SHISAL2B: variants seen among roughly 807,000 people sequenced by gnomAD.
The protein encoded by SHISAL2B is shisa like 2B.
In SHISAL2B, 12 loss-of-function variants were observed where a neutral mutation model predicts 16.5. That is an observed-to-expected ratio of 0.73 (90% CI 0.47 to 1.18). The LOEUF (loss-of-function observed/expected upper bound fraction) is 1.18, where lower values mean the gene tolerates loss of function less well. Ranked by LOEUF, SHISAL2B falls within the 50% of genes most tolerant of loss-of-function variation. The pLI, the probability that SHISAL2B is intolerant of heterozygous loss-of-function variation, is 0.00. For synonymous variants in SHISAL2B, 72 were observed against 75.0 expected (o/e 0.96, Z 0.21); for missense variants, 183 against 193.6 (o/e 0.95, Z 0.33).
intron 1 of SHISAL2B, among the ~76,000 whole-genome samples, chr5:64,693,277 G>A (rs573440575): frequency 6.6e-6 from 1 of 152,248 alleles, no homozygotes; most frequent in Admixed American, 6.5e-5. Flanking sequence ...AAAGTGCTAG[G>A]ATTACAGGCG....
Position 64,690,824 on chromosome 5 carries a change from G to C in SHISAL2B, c.191+10G>C, listed in dbSNP as rs1295181603. The C allele has an allele frequency of 4.7e-6, 7 of 1,493,022 alleles. No homozygotes were observed. The highest frequency in any genetic ancestry group is 2.8e-5 in the African/African-American group (2 of 70,900). The allele number at this position is 1,493,022 out of a possible 1,614,324, so 92.5% of individuals were successfully genotyped here. On this transcript the variant is annotated intron_variant, in intron 1 of 2. Transcript: ENST00000389074. ...ACATGTGGAGCCTCAGGTGGGCTGA[G>C]AGCCCGCGCGTGCGGCGGCTGGCCG...
chr5:64,712,917 T>C (rs1222269570), intron 2 of SHISAL2B, among the ~76,000 whole-genome samples: 1 of 151,754 alleles, frequency 6.6e-6, no homozygotes, highest in Non-Finnish European at 1.5e-5. Context: ...TCCTTTTATT[T>C]TGAGCCTATG....
At chr5:64,710,915 T>G (rs966309785) in intron 2 of SHISAL2B, among the ~76,000 whole-genome samples, 1 of 124,290 alleles carries the variant, frequency 8.0e-6, no homozygotes, top group Admixed American at 8.1e-5. Flanking sequence ...TGAAGTTGCT[T>G]ATCAGCTTAA....
intron 2 of SHISAL2B, among the ~76,000 whole-genome samples, chr5:64,708,704 T>C (rs945144029): frequency 2.0e-5 from 3 of 152,204 alleles, no homozygotes; most frequent in African/African-American, 7.2e-5. Context: ...AAATTTTTCA[T>C]GCCATCTTTC....
At chr5:64,700,280 A>G (rs1408058177) in intron 2 of SHISAL2B, among the ~76,000 whole-genome samples, 1 of 152,162 alleles carries the variant, frequency 6.6e-6, no homozygotes, top group Non-Finnish European at 1.5e-5. Flanking sequence ...AAATGTATAC[A>G]GTTGTCCCTC....
chr5:64,704,550 A>G (rs1741850290), intron 2 of SHISAL2B, among the ~76,000 whole-genome samples: 2 of 152,228 alleles, frequency 1.3e-5, no homozygotes, highest in Admixed American at 6.5e-5. Context: ...GCAGCTGACA[A>G]TTAACCTAGG....
At chr5:64,694,650 C>G (rs903529780) in intron 1 of SHISAL2B, among the ~76,000 whole-genome samples, 3 of 152,102 alleles carry the variant, frequency 2.0e-5, no homozygotes, top group African/African-American at 4.8e-5. Flanking sequence ...GACATTATGC[C>G]CTTTTAGAAA....
In SHISAL2B at chr5:64,695,647, C is replaced by A. The variant is rs1033350596; in HGVS notation, c.332C>A (p.Ala111Asp). The A allele has an allele frequency of 1.1e-5, 17 of 1,529,008 alleles. No homozygotes were observed. The African/African-American group carries it at 1.8e-4, about 16-fold the overall frequency. The allele number at this position is 1,529,008 out of a possible 1,614,324, so 94.7% of individuals were successfully genotyped here. ...GGCCTTAAGCTTCAACACTTAGAGG[C>A]TTCTTCCACTCAAGAAGGTAATCAG... ...DTGLKLQHLE[A>D]SSTQEGKSNG... The change falls in exon 2 of 3, where the codon GCT becomes GAT. Residue 111 changes from alanine (A) to aspartate (D), a missense_variant. By Grantham distance (126) the Ala-to-Asp change is moderately radical (BLOSUM62 -2). Coordinates refer to ENST00000389074, the MANE Select transcript of SHISAL2B (RefSeq NM_001164442.2).
At chr5:64,693,154 C>T (rs1741678112) in intron 1 of SHISAL2B, among the ~76,000 whole-genome samples, 1 of 151,974 alleles carries the variant, frequency 6.6e-6, no homozygotes, top group African/African-American at 2.4e-5. Context: ...ACTACAGGCG[C>T]CTGCCACCAT....
intron 2 of SHISAL2B, among the ~76,000 whole-genome samples, chr5:64,706,685 A>AG (rs1741880525): frequency 1.3e-5 from 2 of 152,194 alleles, no homozygotes; most frequent in Admixed American, 1.3e-4. Flanking sequence ...AAGAGAAAAT[A>AG]GGGGGAGGAA....
intron 1 of SHISAL2B, chr5:64,694,095 T>G (rs772937671): frequency 6.6e-6 from 3 of 455,712 alleles, no homozygotes; most frequent in Non-Finnish European, 1.3e-5. Context: ...AGGTCAAACT[T>G]GTCAGTGTCC....
At chr5:64,695,417 C>A in intron 1 of SHISAL2B, 90 bp from the exon 2 acceptor site, 1 of 857,456 alleles carries the variant, frequency 1.2e-6, no homozygotes, top group Non-Finnish European at 1.6e-6. Context: ...TAACTGAAAA[C>A]AAGAATTAAC....
intron 2 of SHISAL2B, among the ~76,000 whole-genome samples, chr5:64,709,890 T>G (rs1289356567): frequency 3.3e-5 from 5 of 151,928 alleles, no homozygotes; most frequent in African/African-American, 1.2e-4. Context: ...GGGGTTGTTT[T>G]TTTTCTTGTA....
At chr5:64,695,234 T>C (rs538517448) in intron 1 of SHISAL2B, among the ~76,000 whole-genome samples, 1 of 147,230 alleles carries the variant, frequency 6.8e-6, no homozygotes, top group East Asian at 2.0e-4. Flanking sequence ...CATTGCACTC[T>C]ACCATGGGCT....
intron 2 of SHISAL2B, among the ~76,000 whole-genome samples, chr5:64,705,074 A>G (rs1276363431): frequency 6.6e-6 from 1 of 152,218 alleles, no homozygotes; most frequent in Non-Finnish European, 1.5e-5. Flanking sequence ...ATCAAAAAAA[A>G]TCTTTGTACT....
rs753416275 is a variant in SHISAL2B at position 64,690,695 on chromosome 5, C to T, written c.72C>T (p.Cys24=). ...LNQSFVEPFQ[C]PRRGEGAALQ... is the part of the protein sequence containing the mutation. ...AGAGCTTCGTGGAGCCCTTCCAGTG[C>T]CCCCGGCGCGGCGAGGGGGCAGCGC... The change falls in exon 1 of 3, where the codon TGC becomes TGT. Residue 24 remains cysteine (C), a synonymous_variant. Coordinates refer to ENST00000389074, the MANE Select transcript of SHISAL2B (RefSeq NM_001164442.2). 2.3e-4 allele frequency: 347 copies of T among 1,532,948 alleles called. No individual in the cohort carries two copies. Among genetic ancestry groups the T allele is most frequent in the Non-Finnish European group, 2.7e-4 (309 of 1,144,916 alleles). 95.0% of individuals were successfully genotyped at this position (1,532,948 alleles called of 1,614,324 possible).
Position 64,699,091 on chromosome 5 carries a change from G to C in SHISAL2B, c.349+3427G>C, listed in dbSNP as rs368480710. Among the ~76,000 whole-genome samples, 11 of 152,296 alleles carry C rather than the reference G, an allele frequency of 7.2e-5. No homozygotes were observed. The East Asian group carries it at 1.9e-3, about 27-fold the overall frequency. On this transcript the variant is annotated intron_variant, in intron 2 of 2. Transcript: ENST00000389074. ...TTCTTGTCACTATTGAGTGAAGGAGGTCCATTATAGTTAGATGAGGCTGCT... is the reference window on the plus strand; with the variant it reads ...TTCTTGTCACTATTGAGTGAAGGAGCTCCATTATAGTTAGATGAGGCTGCT...
chr5:64,692,029 C>T (rs1741659020), intron 1 of SHISAL2B, among the ~76,000 whole-genome samples: 1 of 152,132 alleles, frequency 6.6e-6, no homozygotes, highest in Non-Finnish European at 1.5e-5. Context: ...GAGTGCCTAC[C>T]TTCCAGTAAG....
intron 2 of SHISAL2B, among the ~76,000 whole-genome samples, chr5:64,696,289 A>G (rs1256662342): frequency 6.6e-6 from 1 of 152,198 alleles, no homozygotes; most frequent in African/African-American, 2.4e-5. Flanking sequence ...CTGAGAATGT[A>G]TGTCACCTCA....
Sources: allele counts gnomAD v4.1 joint callset (sites outside exome capture counted in the v4.1 genomes callset), GRCh38; gene constraint gnomAD v4.1.1; transcripts MANE v1.5; gene names NCBI Gene and HGNC (gene_info 2026-07-23, HGNC 2026-07-21).